Variants in RABGAP1L observed in about 807,000 individuals in gnomAD.
RABGAP1L encodes the protein RAB GTPase activating protein 1 like.
In RABGAP1L, 63 loss-of-function variants were observed where a neutral mutation model predicts 137.7. The observed-to-expected ratio is 0.46, with a 90% CI of 0.37 to 0.56. The LOEUF is 0.56. Among genes scored for constraint, RABGAP1L ranks in the 20% least tolerant of loss-of-function variants. The pLI, the probability that RABGAP1L is intolerant of heterozygous loss-of-function variation, is 0.00. For synonymous variants in RABGAP1L, 431 were observed against 433.7 expected (o/e 0.99, Z 0.08); for missense variants, 1,095 against 1,244.0 (o/e 0.88, Z 1.80).
In RABGAP1L at chr1:174,625,449, T is replaced by C. The variant is rs563908535; in HGVS notation, c.1711-11926T>C. On this transcript the variant is annotated intron_variant, in intron 13 of 25. Coordinates refer to ENST00000681986, the MANE Select transcript of RABGAP1L (RefSeq NM_001366446.1). ...GGGTAGTGTGTGTGTGTTTGTTTGT[T>C]TTCAGAGTGGGCCTTACTCTGTTGC... 2.0e-5 allele frequency among the ~76,000 whole-genome samples: 3 copies of C among 152,214 alleles called. No individual in the cohort carries two copies. The South Asian group carries it at 6.2e-4, about 32-fold the overall frequency.
chr1:174,929,222 A>T (rs962522622), intron 19 of RABGAP1L, among the ~76,000 whole-genome samples: 5 of 152,152 alleles, frequency 3.3e-5, no homozygotes, highest in African/African-American at 1.2e-4. Context: ...AATAATAATA[A>T]AAAAGAAGAT....
intron 17 of RABGAP1L, among the ~76,000 whole-genome samples, chr1:174,710,775 A>G (rs1202993169): frequency 6.6e-6 from 1 of 152,222 alleles, no homozygotes; most frequent in East Asian, 1.9e-4. Flanking sequence ...AATGGACAAA[A>G]TAACCAGCTA....
chr1:174,938,617 T>C (rs184415361), intron 19 of RABGAP1L: 1 of 152,324 alleles, frequency 6.6e-6, no homozygotes, highest in Admixed American at 6.5e-5. Context: ...GCGCTAGTTA[T>C]ATAGTCAGTT....
intron 15 of RABGAP1L, among the ~76,000 whole-genome samples, chr1:174,686,829 A>C (rs1572810027): frequency 6.7e-6 from 1 of 150,130 alleles, no homozygotes; most frequent in South Asian, 2.1e-4. Context: ...AGCTAATTTT[A>C]GTTTTTTTTT....
chr1:174,572,236 A>G (rs1414313669), intron 13 of RABGAP1L, among the ~76,000 whole-genome samples: 1 of 152,214 alleles, frequency 6.6e-6, no homozygotes, highest in East Asian at 1.9e-4. Flanking sequence ...AAAATTGGAA[A>G]CATAACAGCT....
chr1:174,232,701 T>C (rs1268436217), intron 4 of RABGAP1L, among the ~76,000 whole-genome samples: 2 of 149,052 alleles, frequency 1.3e-5, no homozygotes, highest in African/African-American at 4.9e-5. Context: ...GAGAATGGTG[T>C]GAACCCAAGA....
chr1:174,461,302 G>C (rs1656664439), intron 13 of RABGAP1L, among the ~76,000 whole-genome samples: 1 of 151,924 alleles, frequency 6.6e-6, no homozygotes, highest in African/African-American at 2.4e-5. Flanking sequence ...GTTAAGCACT[G>C]ACCCCAGGCC....
chr1:174,899,937 G>C (rs72717648), intron 19 of RABGAP1L, among the ~76,000 whole-genome samples: 21 of 152,052 alleles, frequency 1.4e-4, no homozygotes, highest in Admixed American at 3.3e-4. Context: ...GGAATGTTTG[G>C]GGGGGTAGAA....
In RABGAP1L at chr1:174,366,706, T is replaced by C. The variant is rs559894887; in HGVS notation, c.1466-4273T>C. 4.4e-4 allele frequency among the ~76,000 whole-genome samples: 62 copies of C among 140,856 alleles called. 1 individual carries two copies. Among genetic ancestry groups the C allele is most frequent in the South Asian group, 1.6e-3 (7 of 4,458 alleles). 92.4% of individuals were successfully genotyped at this position (140,856 alleles called of 152,430 possible). ...AGGAGAATCACTTGAACCCAGAAGG[T>C]GAAGGTTGCAGTGAGCCGAGATGGT... On this transcript the variant is annotated intron_variant, in intron 11 of 25. Transcript: ENST00000681986.
intron 19 of RABGAP1L, among the ~76,000 whole-genome samples, chr1:174,919,679 C>T (rs1472862142): frequency 6.6e-6 from 1 of 152,056 alleles, no homozygotes; most frequent in African/African-American, 2.4e-5. Context: ...CAAAGCAACA[C>T]AGTGTTTCTA....
chr1:174,985,887 C>T (rs1052476969), intron 24 of RABGAP1L, among the ~76,000 whole-genome samples: 6 of 152,282 alleles, frequency 3.9e-5, no homozygotes, highest in East Asian at 1.9e-4. Context: ...TGACCTACAT[C>T]GTCATGTGGA....
intron 19 of RABGAP1L, among the ~76,000 whole-genome samples, chr1:174,818,591 T>C (rs1484843118): frequency 6.6e-6 from 1 of 152,080 alleles, no homozygotes; most frequent in Non-Finnish European, 1.5e-5. Context: ...TAGCCGGTAA[T>C]TGGACTGAGC....
intron 11 of RABGAP1L, among the ~76,000 whole-genome samples, chr1:174,370,512 C>CTTTTTT (rs372406044): frequency 2.0e-5 from 1 of 50,362 alleles, no homozygotes; most frequent in Non-Finnish European, 3.5e-5. Flanking sequence ...AGAAACCTAA[C>CTTTTTT]TTTTTTTTTT....
intron 13 of RABGAP1L, among the ~76,000 whole-genome samples, chr1:174,552,368 A>G (rs998172956): frequency 6.6e-5 from 10 of 151,870 alleles, no homozygotes; most frequent in South Asian, 2.1e-4. Context: ...GTTTCCCTCT[A>G]TGTGTCCTTG....
intron 19 of RABGAP1L, among the ~76,000 whole-genome samples, chr1:174,846,809 C>T (rs1694101281): frequency 1.5e-5 from 1 of 66,168 alleles, no homozygotes; most frequent in Non-Finnish European, 4.0e-5. Flanking sequence ...ATTGATCTGT[C>T]TAATGTTGAC....
intron 7 of RABGAP1L, among the ~76,000 whole-genome samples, chr1:174,253,183 A>G (rs543200610): frequency 1.7e-4 from 26 of 152,320 alleles, no homozygotes; most frequent in African/African-American, 5.8e-4. Context: ...GTCAGAGTAT[A>G]AACAGATCAG....
At chr1:174,649,676 C>T (rs1219818495) in intron 14 of RABGAP1L, among the ~76,000 whole-genome samples, 4 of 152,056 alleles carry the variant, frequency 2.6e-5, no homozygotes, top group Non-Finnish European at 5.9e-5. Context: ...GATTTTTGCA[C>T]ATTGATTTTG....
At chr1:174,849,883 G>A (rs1647954687) in intron 19 of RABGAP1L, 11 of 577,484 alleles carry the variant, frequency 1.9e-5, no homozygotes, top group South Asian at 1.4e-4. Context: ...TGGCCAAAAG[G>A]CAATCTGAAT....
In RABGAP1L at chr1:174,992,440, G is replaced by A. The variant is rs41266064; in HGVS notation, c.*2439G>A. On this transcript the variant is annotated 3_prime_UTR_variant, in exon 26 of 26. Coordinates refer to ENST00000681986, the MANE Select transcript of RABGAP1L (RefSeq NM_001366446.1). ...GCCTGGGCGACAAGAGCAAAATTCCGTCTCGAAAAATCACCAGGTACATAC... is the reference window on the plus strand; with the variant it reads ...GCCTGGGCGACAAGAGCAAAATTCCATCTCGAAAAATCACCAGGTACATAC... The A allele has an allele frequency of 0.11, 16,895 of 152,072 alleles. 1,097 individuals carry two copies. The highest frequency in any genetic ancestry group is 0.33 in the East Asian group (1,681 of 5,168). 9.4% of individuals were successfully genotyped at this position (152,072 alleles called of 1,614,324 possible). A position where few individuals can be genotyped will look rare whatever the true frequency, so the allele number is the denominator to read the frequency against.
Sources: allele counts gnomAD v4.1 joint callset (sites outside exome capture counted in the v4.1 genomes callset), GRCh38; gene constraint gnomAD v4.1.1; transcripts MANE v1.5; gene names NCBI Gene and HGNC (gene_info 2026-07-23, HGNC 2026-07-21).